LRBA: variants seen among roughly 807,000 people sequenced by gnomAD.
The protein encoded by LRBA is lipopolysaccharide-responsive and beige-like anchor protein.
LRBA carries 176 observed loss-of-function variants against 330.0 expected under a neutral mutation model. The ratio of observed to expected loss-of-function variants is 0.53; its 90% CI spans 0.47 to 0.60. The LOEUF is 0.60. LRBA is among the 20% of genes least tolerant of loss of function. The pLI is 0.00. For missense variants in LRBA, 3,259 were observed against 3,444.8 expected, an observed-to-expected ratio of 0.95 and a Z score of 1.35; for synonymous variants, 1,230 against 1,193.0, an observed-to-expected ratio of 1.03 and a Z score of -0.64.
In LRBA at chr4:150,277,993, C is replaced by T. The variant is rs116828023; in HGVS notation, c.8328G>A (p.Leu2776=). 996 of 1,613,950 alleles carry T rather than the reference C, an allele frequency of 6.2e-4. 6 individuals are homozygous for T. The African/African-American group carries it at 0.011, about 18-fold the overall frequency. Residue 2776 remains leucine (L), a synonymous_variant, in exon 56 of 57, where the codon CTG becomes CTA. Transcript: ENST00000651943. ...TGAGCAGGTACTGCCCATCTCGGCTCAGCTGGATGGCCTGTGAGACACAGC... is the reference window on the plus strand; with the variant it reads ...TGAGCAGGTACTGCCCATCTCGGCTTAGCTGGATGGCCTGTGAGACACAGC... The part of the protein sequence containing the change: ...ETDDNIRAIQ[L]SRDGQYLLTG...
chr4:150,435,250 C>G (rs1750959211), intron 46 of LRBA, among the ~76,000 whole-genome samples: 1 of 152,070 alleles, frequency 6.6e-6, no homozygotes, highest in African/African-American at 2.4e-5. Context: ...ACTTGGGAGG[C>G]TGAGGCAGAA....
intron 2 of LRBA, among the ~76,000 whole-genome samples, chr4:150,996,821 CTAACTA>C (rs1742702761): frequency 6.6e-6 from 1 of 151,970 alleles, no homozygotes; most frequent in Non-Finnish European, 1.5e-5. Flanking sequence ...TGCCATCTTA[CTAACTA>C]TGACACTTGA....
At chr4:151,003,414 C>A (rs1229653736) in intron 2 of LRBA, among the ~76,000 whole-genome samples, 50 of 119,106 alleles carry the variant, frequency 4.2e-4, no homozygotes, top group African/African-American at 1.1e-3. Flanking sequence ...AAAAAAAAAA[C>A]AAAATCCTAA....
rs17027207 is a variant in LRBA at position 150,933,573 on chromosome 4, C to G, written c.217-4508G>C. Among the ~76,000 whole-genome samples, 895 of 151,916 alleles carry G rather than the reference C, an allele frequency of 5.9e-3. 8 individuals carry two copies. The highest frequency in any genetic ancestry group is 0.02 in the African/African-American group (844 of 41,392). On this transcript the variant is annotated intron_variant, in intron 2 of 56. Coordinates refer to ENST00000651943, the MANE Select transcript of LRBA (RefSeq NM_001364905.1). ...AGACCTATGCATGTGCTAAATATGT[C>G]TAAGAATGAACTAAATATCGATTGT...
intron 37 of LRBA, among the ~76,000 whole-genome samples, chr4:150,623,100 A>C (rs1312148270): frequency 1.3e-5 from 2 of 152,162 alleles, no homozygotes; most frequent in Non-Finnish European, 2.9e-5. Flanking sequence ...CTTGGATTAG[A>C]AGAAGGGCAG....
intron 40 of LRBA, among the ~76,000 whole-genome samples, chr4:150,504,552 T>G (rs1050597667): frequency 6.6e-6 from 1 of 152,198 alleles, no homozygotes; most frequent in African/African-American, 2.4e-5. Context: ...CTGAGAGATT[T>G]TGTCACCACC....
In LRBA at chr4:150,264,468, T is replaced by TATTA. The variant is rs1004929404; in HGVS notation, c.*1250_*1253dup. 2.1e-5 allele frequency: 2 copies of TATTA among 94,458 alleles called. No homozygotes were observed. Among genetic ancestry groups the TATTA allele is most frequent in the African/African-American group, 3.0e-5 (1 of 33,826 alleles). The allele number at this position is 94,458 out of a possible 1,614,324, so 5.9% of individuals were successfully genotyped here. A position where few individuals can be genotyped will look rare whatever the true frequency, so the allele number is the denominator to read the frequency against. On this transcript the variant is annotated 3_prime_UTR_variant, in exon 57 of 57. Transcript: ENST00000651943. ...TTTCTTTCTTTGTGAATCATTATTTTATTAATGATGTTTAAAATTTAGGAG... is the reference window on the plus strand; with the variant it reads ...TTTCTTTCTTTGTGAATCATTATTTTATTAATTAATGATGTTTAAAATTTAGGAG...
chr4:150,806,435 A>G (rs910332946), intron 32 of LRBA, 31 bp from the exon 33 acceptor site: 3 of 1,439,300 alleles, frequency 2.1e-6, no homozygotes, highest in Non-Finnish European at 2.8e-6. Context: ...TACTTGAACT[A>G]TTCAACAGAT....
intron 40 of LRBA, among the ~76,000 whole-genome samples, chr4:150,500,804 GAA>G (rs1489048104): frequency 6.6e-6 from 1 of 152,150 alleles, no homozygotes; most frequent in Non-Finnish European, 1.5e-5. Flanking sequence ...GCAAGCAAGA[GAA>G]ATGAAAAGCA....
chr4:150,490,072 T>C (rs965848300), intron 41 of LRBA, among the ~76,000 whole-genome samples: 2 of 151,530 alleles, frequency 1.3e-5, no homozygotes, highest in Non-Finnish European at 3.0e-5. Context: ...ATTATTTGCC[T>C]AGAAGAATAA....
chr4:150,359,807 C>T (rs565354145), intron 47 of LRBA, among the ~76,000 whole-genome samples: 4 of 151,802 alleles, frequency 2.6e-5, no homozygotes, highest in South Asian at 2.1e-4. Context: ...AGTGAAACCC[C>T]GTCTCTACTA....
intron 47 of LRBA, among the ~76,000 whole-genome samples, chr4:150,387,717 G>T (rs1018280460): frequency 2.0e-4 from 30 of 152,114 alleles, no homozygotes; most frequent in African/African-American, 7.0e-4. Context: ...AGTTCCTAAG[G>T]GATGTAAAAT....
chr4:150,968,376 G>T (rs1252339633), intron 2 of LRBA, among the ~76,000 whole-genome samples: 1 of 152,202 alleles, frequency 6.6e-6, no homozygotes, highest in Non-Finnish European at 1.5e-5. Flanking sequence ...GTTGAAATAG[G>T]CCAAAAGCTA....
chr4:150,750,100 A>C (rs1402544769), intron 35 of LRBA, among the ~76,000 whole-genome samples: 2 of 152,172 alleles, frequency 1.3e-5, no homozygotes, highest in Non-Finnish European at 2.9e-5. Flanking sequence ...TTTCCCCTTC[A>C]CAAGATTTTT....
At chr4:150,368,726 C>T (rs965601139) in intron 47 of LRBA, among the ~76,000 whole-genome samples, 10 of 152,116 alleles carry the variant, frequency 6.6e-5, no homozygotes, top group Non-Finnish European at 1.0e-4. Flanking sequence ...ATACTGAGAA[C>T]CAAATCCTGT....
At chr4:150,289,423 G>A (rs1473057910) in intron 53 of LRBA, among the ~76,000 whole-genome samples, 2 of 152,012 alleles carry the variant, frequency 1.3e-5, no homozygotes, top group Non-Finnish European at 2.9e-5. Flanking sequence ...CCCGGAAGCA[G>A]GTTAGACAGT....
At chr4:150,310,427 G>A in intron 51 of LRBA, 43 bp from the exon 52 acceptor site, 3 of 1,431,804 alleles carry the variant, frequency 2.1e-6, no homozygotes, top group Middle Eastern at 1.8e-4. Flanking sequence ...ATCCACATGG[G>A]CAAAGAAATT....
chr4:150,474,675 T>C (rs1197003991), intron 42 of LRBA, among the ~76,000 whole-genome samples: 1 of 152,170 alleles, frequency 6.6e-6, no homozygotes, highest in Non-Finnish European at 1.5e-5. Flanking sequence ...AAAAATGTTT[T>C]ATACTTTTCA....
chr4:150,798,102 C>G lies in LRBA; in HGVS notation c.5559G>C (p.Leu1853Phe). Reference protein sequence around the residue: ...CMKSSSSVVELVMLLCSQEWQ... With the variant: ...CMKSSSSVVEFVMLLCSQEWQ... ...TCACCTGAGAACACAGTAGCATAACCAATTCCACAACTGAACTACTCGACT... is the reference window on the plus strand; with the variant it reads ...TCACCTGAGAACACAGTAGCATAACGAATTCCACAACTGAACTACTCGACT... Residue 1853 changes from leucine to phenylalanine, a missense_variant, in exon 34 of 57, where the codon TTG (leucine) becomes TTC (phenylalanine). By Grantham distance (22) the Leu-to-Phe change is conservative. Coordinates refer to ENST00000651943, the MANE Select transcript of LRBA (RefSeq NM_001364905.1). 6.2e-7 allele frequency: 1 copy of G among 1,608,978 alleles called. No individual in the cohort carries two copies.
Sources: gnomAD v4.1 joint callset for allele counts (sites outside exome capture counted in the v4.1 genomes callset) on GRCh38, gnomAD v4.1.1 for gene constraint, MANE v1.5 for transcripts, NCBI Gene and HGNC (gene_info 2026-07-23, HGNC 2026-07-21) for gene names.